Variants in KLHL36 observed in about 807,000 individuals in gnomAD.
The protein encoded by KLHL36 is kelch like family member 36.
A neutral mutation model predicts 53.3 loss-of-function variants in KLHL36; 35 were observed. The observed-to-expected ratio is 0.66, with a 90% confidence interval of 0.50 to 0.87. The LOEUF (loss-of-function observed/expected upper bound fraction) is 0.87, where lower values mean the gene tolerates loss of function less well. Ranked by LOEUF, KLHL36 falls within the 40% of genes least tolerant of loss-of-function variation. The probability of loss-of-function intolerance (pLI) is 0.00; values close to 1 mark genes in which losing one functional copy is unlikely to be tolerated. For missense variants in KLHL36, 864 were observed against 897.6 expected (o/e 0.96, Z 0.48); for synonymous variants, 472 against 398.9 (o/e 1.18, Z -2.18).
Position 84,650,921 on chromosome 16 carries a change from A to G in KLHL36, c.54A>G (p.Glu18=), listed in dbSNP as rs756260383. 1 of 1,611,506 alleles carries G rather than the reference A, an allele frequency of 6.2e-7. No homozygotes were observed. Among genetic ancestry groups the G allele is most frequent in the Non-Finnish European group, 8.5e-7 (1 of 1,179,336 alleles). The change falls in exon 2 of 5, where the codon GAA becomes GAG. Residue 18 remains glutamate (E), a synonymous_variant. Coordinates refer to ENST00000564996, the MANE Select transcript of KLHL36 (RefSeq NM_024731.4). ...TGTCTCGGCCATACAAGATCAGCGAATCATCAAAGGTCTGTGAATGTTCAC... is the reference window on the plus strand; with the variant it reads ...TGTCTCGGCCATACAAGATCAGCGAGTCATCAAAGGTCTGTGAATGTTCAC... ...TRVSRPYKIS[E]SSKVYRWADH... is the part of the protein sequence containing the mutation.
At chr16:84,650,769 C>A in intron 1 of KLHL36, 83 bp from the exon 2 acceptor site, 1 of 972,632 alleles carries the variant, frequency 1.0e-6, no homozygotes. Context: ...CACTGTCATC[C>A]TTGGTATCTG....
At chr16:84,656,641 A>AAGAAAG (rs1555528876) in intron 2 of KLHL36, among the ~76,000 whole-genome samples, 4 of 149,576 alleles carry the variant, frequency 2.7e-5, no homozygotes, top group African/African-American at 1.0e-4. Context: ...CAAAAAAAAA[A>AAGAAAG]AAAGAAAGAA....
chr16:84,659,731 G>A, intron 3 of KLHL36, 29 bp from the exon 4 acceptor site: 1 of 1,606,854 alleles, frequency 6.2e-7, no homozygotes. Context: ...GTTCGGGGAA[G>A]GGAAGGTACA....
Position 84,656,855 on chromosome 16 carries a change from T to C in KLHL36, c.64-16T>C, listed in dbSNP as rs1260994384. 6 of 1,586,994 alleles carry C rather than the reference T, an allele frequency of 3.8e-6. No homozygotes were observed. Among genetic ancestry groups the C allele is most frequent in the Non-Finnish European group, 5.2e-6 (6 of 1,162,882 alleles). On this transcript the variant is annotated splice_polypyrimidine_tract_variant and intron_variant, in intron 2 of 4. Coordinates refer to ENST00000564996, the MANE Select transcript of KLHL36 (RefSeq NM_024731.4). Reference sequence around the variant, plus strand: ...GCAGGCTGCTGCGCCGTTTCTAATGTGTCTTCTCTGTCCAGGTATACCGCT... The same window carrying C: ...GCAGGCTGCTGCGCCGTTTCTAATGCGTCTTCTCTGTCCAGGTATACCGCT...
In KLHL36 at chr16:84,661,469, T is replaced by C; in HGVS notation, c.1296-109T>C. On this transcript the variant is annotated intron_variant, in intron 4 of 4. Transcript: ENST00000564996. The surrounding 1 kb of genome is among the most constrained non-coding windows in gnomAD (Gnocchi z 7.9). The stretch of plus-strand genomic sequence containing the variant: ...TTCATGGGGTGCCCACTCCCTATAT[T>C]CTTAAATCCTCATGGCCCTCTAAGA... 1 of 1,122,448 alleles carries C rather than the reference T, an allele frequency of 8.9e-7. No homozygotes were observed. Among genetic ancestry groups the C allele is most frequent in the Admixed American group, 2.3e-5 (1 of 43,372 alleles). 69.5% of individuals were successfully genotyped at this position (1,122,448 alleles called of 1,614,324 possible). A position where few individuals can be genotyped will look rare whatever the true frequency, so the allele number is the denominator to read the frequency against.
chr16:84,649,997 A>G (rs1906751464), intron 1 of KLHL36, among the ~76,000 whole-genome samples: 1 of 145,110 alleles, frequency 6.9e-6, no homozygotes, highest in South Asian at 2.3e-4. Context: ...CCAAAGCTTA[A>G]CTCTGTCTGC....
chr16:84,656,120 C>T (rs532142381), intron 2 of KLHL36, among the ~76,000 whole-genome samples: 14 of 152,246 alleles, frequency 9.2e-5, no homozygotes, highest in Middle Eastern at 3.4e-3. Flanking sequence ...TCTCGAACTT[C>T]CTGGCCTCAA....
intron 2 of KLHL36, 27 bp from the exon 3 acceptor site, chr16:84,656,844 C>T (rs754704387): frequency 1.1e-5 from 17 of 1,564,266 alleles, no homozygotes; most frequent in East Asian, 6.8e-5. Flanking sequence ...GCTGCTGCGC[C>T]GTTTCTAATG....
intron 3 of KLHL36, 111 bp from the exon 4 acceptor site, chr16:84,659,649 A>G (rs1027132830): frequency 3.4e-5 from 39 of 1,156,668 alleles, no homozygotes; most frequent in African/African-American, 7.6e-5. Context: ...CCCTTTCCCA[A>G]ACATTCTCCG....
At chr16:84,659,974 T>G in intron 4 of KLHL36, 57 bp downstream of exon 4, 1 of 1,501,784 alleles carries the variant, frequency 6.7e-7, no homozygotes, top group Non-Finnish European at 9.1e-7. Context: ...GGGACATAGT[T>G]CAGTCCACGT....
chr16:84,654,010 C>G (rs754073958), intron 2 of KLHL36, among the ~76,000 whole-genome samples: 12 of 152,184 alleles, frequency 7.9e-5, no homozygotes, highest in Non-Finnish European at 1.5e-4. Flanking sequence ...TGCTCTTGCC[C>G]CCTGCCCCAG....
rs1194803120 is a variant in KLHL36, at chr16:84,661,863, C to T, written c.1581C>T (p.Thr527=). The change falls in exon 5 of 5, where the codon ACC becomes ACT. Residue 527 remains threonine (T), a synonymous_variant. Transcript: ENST00000564996. The surrounding 1 kb of genome is among the most constrained non-coding windows in gnomAD (Gnocchi z 7.9). ...EAYSPQCNQW[T]RVAPLLHANS... ...ACAGCCCGCAGTGCAACCAGTGGAC[C>T]CGCGTGGCGCCGCTGCTGCACGCCA... 6.2e-7 allele frequency: 1 copy of T among 1,600,284 alleles called. No homozygotes were observed. Among genetic ancestry groups the T allele is most frequent in the African/African-American group, 1.3e-5 (1 of 74,668 alleles).
Position 84,661,792 on chromosome 16 carries a change from A to C in KLHL36, c.1510A>C (p.Asn504His). The change falls in exon 5 of 5, where the codon AAC becomes CAC. Residue 504 changes from asparagine (N) to histidine (H), a missense_variant. Asn to His is a moderately conservative substitution (Grantham distance 68). Coordinates refer to ENST00000564996, the MANE Select transcript of KLHL36 (RefSeq NM_024731.4). The surrounding 1 kb of genome is among the most constrained non-coding windows in gnomAD (Gnocchi z 7.9). Reference protein sequence around the residue: ...SIYSIGGSDDNIESMERFDVL... With the variant: ...SIYSIGGSDDHIESMERFDVL... ...CTACTCCATCGGGGGCAGCGATGAC[A>C]ACATCGAGTCCATGGAGCGCTTCGA... is the stretch of plus-strand genomic sequence containing the variant. The C allele has an allele frequency of 6.2e-7, 1 of 1,612,364 alleles. No homozygotes were observed. Among genetic ancestry groups the C allele is most frequent in the Non-Finnish European group, 8.5e-7 (1 of 1,178,908 alleles).
intron 2 of KLHL36, among the ~76,000 whole-genome samples, chr16:84,656,293 G>A (rs1248891845): frequency 6.8e-6 from 1 of 146,884 alleles, no homozygotes; most frequent in African/African-American, 2.5e-5. Flanking sequence ...TTTTGAGACG[G>A]AGTTCTTGCT....
intron 3 of KLHL36, chr16:84,658,768 C>G (rs1233079228): frequency 6.6e-6 from 1 of 152,196 alleles, no homozygotes; most frequent in Non-Finnish European, 1.5e-5. Flanking sequence ...ATACTCACAC[C>G]TCAGCGTCGC....
rs138892113 is a variant in KLHL36 at position 84,653,628 on chromosome 16, G to T, written c.63+2698G>T. ...TATGCCGGGAGTGGTGGCACCTGAG[G>T]TCAGGAGTTTAAGACCAGCCTGGCC... On this transcript the variant is annotated intron_variant, in intron 2 of 4. Transcript: ENST00000564996. 7.9e-5 allele frequency among the ~76,000 whole-genome samples: 12 copies of T among 152,228 alleles called. No individual in the cohort carries two copies. The East Asian group carries it at 2.3e-3, about 29-fold the overall frequency.
Position 84,661,393 on chromosome 16 carries a change from C to G in KLHL36, c.1296-185C>G, listed in dbSNP as rs942532821. On this transcript the variant is annotated intron_variant, in intron 4 of 4. Transcript: ENST00000564996. This position sits in a 1 kb window ranked among gnomAD's most constrained non-coding sequence, Gnocchi z 7.9. ...CCTGACTGCAAAGCTGTCCACTTCC[C>G]CGCCCTGCCCTGCCATTTCTTTGCT... Among the ~76,000 whole-genome samples, 16 of 152,198 alleles carry G rather than the reference C, an allele frequency of 1.1e-4. No individual in the cohort carries two copies. Among genetic ancestry groups the G allele is most frequent in the Non-Finnish European group, 2.4e-4 (16 of 68,042 alleles).
intron 2 of KLHL36, among the ~76,000 whole-genome samples, chr16:84,655,391 C>A (rs1026970317): frequency 1.6e-4 from 24 of 152,306 alleles, no homozygotes; most frequent in African/African-American, 5.5e-4. Flanking sequence ...AGAGCCTGGG[C>A]AGTTTAGGGA....
chr16:84,659,829 G>A lies in KLHL36; in HGVS notation c.1207G>A (p.Gly403Ser), dbSNP rs763694730. The change falls in exon 4 of 5, where the codon GGC (glycine) becomes AGC (serine). Residue 403 changes from glycine (G) to serine (S), a missense_variant. Coordinates refer to ENST00000564996, the MANE Select transcript of KLHL36 (RefSeq NM_024731.4). Reference sequence around the variant, plus strand: ...CATCGAAGACATGCTGGTGGCCATCGGCGGCCGGAATGAGAACGGAGCGCT... The same window carrying A: ...CATCGAAGACATGCTGGTGGCCATCAGCGGCCGGAATGAGAACGGAGCGCT... ...ASIEDMLVAI[G>S]GRNENGALSS... is the part of the protein sequence containing the mutation. 6.8e-6 allele frequency: 11 copies of A among 1,614,002 alleles called. No individual in the cohort carries two copies. Among genetic ancestry groups the A allele is most frequent in the African/African-American group, 1.3e-5 (1 of 74,912 alleles).
Sources: allele counts gnomAD v4.1 joint callset (sites outside exome capture counted in the v4.1 genomes callset), GRCh38; gene constraint gnomAD v4.1.1; non-coding constraint Gnocchi (gnomAD v3.1); transcripts MANE v1.5; gene names NCBI Gene and HGNC (gene_info 2026-07-23, HGNC 2026-07-21).